The following ARHGEF12 variants were observed in gnomAD, a reference collection of about 807,000 sequenced individuals.
ARHGEF12 encodes the protein Rho guanine nucleotide exchange factor 12.
Under a neutral mutation model 211.2 loss-of-function variants are expected in ARHGEF12, and 66 were observed. The observed-to-expected ratio is 0.31, with a 90% CI of 0.26 to 0.38. ARHGEF12 has a LOEUF of 0.38. ARHGEF12 is among the 10% of genes least tolerant of loss of function. ARHGEF12 has a pLI of 1.00. For missense variants in ARHGEF12, 1,429 were observed against 1,869.5 expected (o/e 0.76, Z 4.34); for synonymous variants, 592 against 638.4 (o/e 0.93, Z 1.09).
intron 22 of ARHGEF12, among the ~76,000 whole-genome samples, chr11:120,454,966 AG>A (rs1946321349): frequency 6.6e-6 from 1 of 152,194 alleles, no homozygotes; most frequent in Non-Finnish European, 1.5e-5. Flanking sequence ...TCCACCCCTG[AG>A]GGGAGAAATA....
intron 7 of ARHGEF12, among the ~76,000 whole-genome samples, chr11:120,425,084 G>T (rs763580351): frequency 2.6e-5 from 4 of 152,162 alleles, no homozygotes; most frequent in Admixed American, 2.0e-4. Flanking sequence ...AGGGTCAAAG[G>T]TGGATTCACG....
At chr11:120,437,451 C>G in intron 12 of ARHGEF12, 69 bp downstream of exon 12, 1 of 1,082,884 alleles carries the variant, frequency 9.2e-7, no homozygotes, top group Non-Finnish European at 1.3e-6. Flanking sequence ...ATGGTATAGA[C>G]ACATCTGATG....
rs75242960 is a variant in ARHGEF12, at chr11:120,424,952, A to G, written c.406+537A>G. Among the ~76,000 whole-genome samples the G allele has an allele frequency of 7.4e-4, 112 of 152,286 alleles. 6 individuals are homozygous for G. The East Asian group carries it at 0.022, about 29-fold the overall frequency. ...TCCAGAGTAGCGATCTTCTCTTGGA[A>G]ATCTTTAGGGTTAAGAATTTGTGAT... On this transcript the variant is annotated intron_variant, in intron 7 of 40. Transcript: ENST00000397843.
intron 4 of ARHGEF12, among the ~76,000 whole-genome samples, chr11:120,412,524 T>A (rs1051849987): frequency 6.6e-6 from 1 of 152,260 alleles, no homozygotes; most frequent in African/African-American, 2.4e-5. Context: ...CCTCCGTGTT[T>A]GCCAATGCCC....
chr11:120,426,938 G>T (rs1489363310), intron 7 of ARHGEF12, among the ~76,000 whole-genome samples: 1 of 151,928 alleles, frequency 6.6e-6, no homozygotes, highest in South Asian at 2.1e-4. Flanking sequence ...GTGCAGTGGC[G>T]CAATCTCGGC....
intron 12 of ARHGEF12, among the ~76,000 whole-genome samples, chr11:120,437,867 T>C (rs1432954762): frequency 6.6e-6 from 1 of 152,230 alleles, no homozygotes. Context: ...TTAGCATATG[T>C]CTTCAGCTTT....
chr11:120,413,990 T>A (rs1944956398), intron 4 of ARHGEF12, among the ~76,000 whole-genome samples: 1 of 152,230 alleles, frequency 6.6e-6, no homozygotes, highest in African/African-American at 2.4e-5. Flanking sequence ...AGTTATAGAA[T>A]GACACTTCAT....
In ARHGEF12 at chr11:120,440,197, T is replaced by C; in HGVS notation, c.1068T>C (p.Asp356=). Residue 356 remains aspartate (D), a synonymous_variant, in exon 13 of 41, where the codon GAT becomes GAC. Coordinates refer to ENST00000397843, the MANE Select transcript of ARHGEF12 (RefSeq NM_015313.3). Reference sequence around the variant, plus strand: ...CTCATATTATTGGAGCAGAAGATGATGATTTTGGTACTGAACATGAACAGG... The same window carrying C: ...CTCATATTATTGGAGCAGAAGATGACGATTTTGGTACTGAACATGAACAGG... ...IAPHIIGAED[D]DFGTEHEQIN... 1 of 1,613,810 alleles carries C rather than the reference T, an allele frequency of 6.2e-7. No homozygotes were observed. Among genetic ancestry groups the C allele is most frequent in the Non-Finnish European group, 8.5e-7 (1 of 1,179,714 alleles).
At chr11:120,360,903 A>G (rs2135361265) in intron 1 of ARHGEF12, among the ~76,000 whole-genome samples, 1 of 152,342 alleles carries the variant, frequency 6.6e-6, no homozygotes, top group South Asian at 2.1e-4. Flanking sequence ...CAGTGAGAAT[A>G]CTATTTTTGG....
At chr11:120,339,240 A>G (rs1036067695) in intron 1 of ARHGEF12, among the ~76,000 whole-genome samples, 2 of 151,928 alleles carry the variant, frequency 1.3e-5, no homozygotes, top group Non-Finnish European at 2.9e-5. Context: ...TTTTTTATTA[A>G]GAATTATTCT....
chr11:120,395,461 A>G (rs751897315), intron 1 of ARHGEF12, among the ~76,000 whole-genome samples: 3 of 152,252 alleles, frequency 2.0e-5, no homozygotes, highest in East Asian at 1.9e-4. Context: ...TGAGCTTAAT[A>G]TAGATACAGA....
chr11:120,344,073 C>T (rs1460399506), intron 1 of ARHGEF12, among the ~76,000 whole-genome samples: 1 of 151,834 alleles, frequency 6.6e-6, no homozygotes, highest in Admixed American at 6.6e-5. Flanking sequence ...CAAGACTAGC[C>T]TGGTCAGCAT....
intron 22 of ARHGEF12, 25 bp from the exon 23 acceptor site, chr11:120,457,093 T>A (rs1384823311): frequency 1.2e-6 from 2 of 1,612,142 alleles, no homozygotes; most frequent in Admixed American, 3.3e-5. Context: ...TTAACACTCT[T>A]CAAATGTCTG....
chr11:120,421,735 C>G (rs1945198749), intron 5 of ARHGEF12, 68 bp from the exon 6 acceptor site: 4 of 1,433,158 alleles, frequency 2.8e-6, no homozygotes, highest in Non-Finnish European at 3.9e-6. Context: ...GTTATACTGT[C>G]TCTCTGTCAG....
intron 1 of ARHGEF12, among the ~76,000 whole-genome samples, chr11:120,363,443 A>G (rs1943334160): frequency 1.3e-5 from 2 of 152,298 alleles, no homozygotes; most frequent in South Asian, 2.1e-4. Context: ...ATATTTTTAA[A>G]TTTAATAGTT....
At chr11:120,425,237 A>T (rs1945304491) in intron 7 of ARHGEF12, among the ~76,000 whole-genome samples, 1 of 151,908 alleles carries the variant, frequency 6.6e-6, no homozygotes, top group Non-Finnish European at 1.5e-5. Flanking sequence ...GGGTCATCTG[A>T]ATCTGAGTCA....
chr11:120,481,691 T>A, intron 39 of ARHGEF12, 115 bp downstream of exon 39: 2 of 1,012,948 alleles, frequency 2.0e-6, no homozygotes, highest in Non-Finnish European at 2.9e-6. Flanking sequence ...CTAGATTTCT[T>A]TGACTATTAT....
chr11:120,403,418 A>C (rs1944600024), intron 1 of ARHGEF12, among the ~76,000 whole-genome samples: 1 of 151,932 alleles, frequency 6.6e-6, no homozygotes, highest in South Asian at 2.1e-4. Flanking sequence ...GAGGCAGGAG[A>C]AGTGTTTGAA....
At position 120,432,407 on chromosome 11, in the gene ARHGEF12, T is replaced by G. The variant is rs75612587; in HGVS notation, c.924+496T>G. ...TAACCCAGAAACTGCCAGATGAACA[T>G]GACTATCTGTTAAGATGATAATAAA... On this transcript the variant is annotated intron_variant, in intron 11 of 40. Coordinates refer to ENST00000397843, the MANE Select transcript of ARHGEF12 (RefSeq NM_015313.3). Among the ~76,000 whole-genome samples, 1,355 of 152,314 alleles carry G rather than the reference T, an allele frequency of 8.9e-3. 89 individuals are homozygous for G. In the South Asian group the frequency reaches 0.16, roughly 18 times the overall value.
Sources: allele counts gnomAD v4.1 joint callset (sites outside exome capture counted in the v4.1 genomes callset), GRCh38; gene constraint gnomAD v4.1.1; transcripts MANE v1.5; gene names NCBI Gene and HGNC (gene_info 2026-07-23, HGNC 2026-07-21).